Variants in SHANK2 observed in about 807,000 individuals in gnomAD.
The protein encoded by SHANK2 is SH3 and multiple ankyrin repeat domains protein 2.
Under a neutral mutation model 133.7 loss-of-function variants are expected in SHANK2, and 43 were observed. That is an observed-to-expected ratio of 0.32 (90% CI 0.25 to 0.41). The LOEUF is 0.41. Ranked by LOEUF, SHANK2 falls within the 10% of genes least tolerant of loss-of-function variation. The pLI is 1.00. For synonymous variants in SHANK2, 1,017 were observed against 952.8 expected (o/e 1.07, Z -1.24); for missense variants, 1,994 against 2,235.8 (o/e 0.89, Z 2.18).
At chr11:71,079,099 C>T (rs990695128) in intron 8 of SHANK2, among the ~76,000 whole-genome samples, 8,279 of 152,318 alleles carry the variant, frequency 0.054, 275 homozygotes, top group East Asian at 0.13. Flanking sequence ...GAGTACCAGG[C>T]GAATGGTCCC....
At chr11:70,907,686 C>G in intron 10 of SHANK2, 1 of 227,462 alleles carries the variant, frequency 4.4e-6, no homozygotes, top group Non-Finnish European at 9.1e-6. Flanking sequence ...AAATATAATT[C>G]ATCGCATTAG....
chr11:70,574,004 C>T (rs1302957082), intron 17 of SHANK2, among the ~76,000 whole-genome samples: 3 of 152,138 alleles, frequency 2.0e-5, no homozygotes, highest in Non-Finnish European at 4.4e-5. Flanking sequence ...GCCCCCAGCC[C>T]GGGTCCTTCT....
At chr11:70,863,349 G>A (rs367707791) in intron 11 of SHANK2, 13 of 457,990 alleles carry the variant, frequency 2.8e-5, no homozygotes, top group Non-Finnish European at 4.8e-5. Context: ...CCGGCTCCCC[G>A]AACACAGCCC....
At chr11:70,611,092 C>T (rs949395909) in intron 17 of SHANK2, among the ~76,000 whole-genome samples, 3 of 152,174 alleles carry the variant, frequency 2.0e-5, no homozygotes, top group Non-Finnish European at 2.9e-5. Context: ...TCTCCACAAC[C>T]CAAGAATTGC....
chr11:70,554,833 A>AT (rs34927941), intron 17 of SHANK2, among the ~76,000 whole-genome samples: 17,124 of 114,784 alleles, frequency 0.15, 1,421 homozygotes, highest in Admixed American at 0.26. Flanking sequence ...CACTATCTCC[A>AT]TTTTTTTTTT....
rs76315656 is a variant in SHANK2, at chr11:71,186,091, G to A, written c.-13+38606C>T. Among the ~76,000 whole-genome samples, 1,072 of 152,226 alleles carry A rather than the reference G, an allele frequency of 7.0e-3. 13 individuals carry two copies. Among genetic ancestry groups the A allele is most frequent in the Middle Eastern group, 0.027 (8 of 294 alleles). On this transcript the variant is annotated intron_variant, in intron 2 of 25. Coordinates refer to ENST00000601538, the MANE Select transcript of SHANK2 (RefSeq NM_012309.5). The stretch of plus-strand genomic sequence containing the variant: ...ATGGAAAATACACTGGTACAGTGAC[G>A]CCCCAAAAGTGTGATAAATTTCACT...
At chr11:70,644,994 G>A (rs2061240698) in intron 17 of SHANK2, among the ~76,000 whole-genome samples, 1 of 152,148 alleles carries the variant, frequency 6.6e-6, no homozygotes, top group Non-Finnish European at 1.5e-5. Flanking sequence ...GGCTGAAGCG[G>A]GCAGATCACC....
chr11:71,083,641 C>G lies in SHANK2; in HGVS notation c.913-8366G>C, dbSNP rs1951331444. On this transcript the variant is annotated intron_variant, in intron 8 of 25. Coordinates refer to ENST00000601538, the MANE Select transcript of SHANK2 (RefSeq NM_012309.5). ...TCAGAGAGGGAGGGAGAGAGCCAGGCTTTGCCCCAAGGAAGGTACCGGGGT... is the reference window on the plus strand; with the variant it reads ...TCAGAGAGGGAGGGAGAGAGCCAGGGTTTGCCCCAAGGAAGGTACCGGGGT... 4.6e-5 allele frequency among the ~76,000 whole-genome samples: 7 copies of G among 152,300 alleles called. No individual in the cohort carries two copies. In the South Asian group the frequency reaches 1.2e-3, roughly 27 times the overall value.
At chr11:70,891,157 G>A (rs912976493) in intron 11 of SHANK2, among the ~76,000 whole-genome samples, 9 of 152,166 alleles carry the variant, frequency 5.9e-5, no homozygotes, top group Non-Finnish European at 7.3e-5. Flanking sequence ...CTCTCTAGAC[G>A]GGAAGAGACT....
At chr11:70,795,386 T>TC (rs1947884499) in intron 14 of SHANK2, among the ~76,000 whole-genome samples, 1 of 148,664 alleles carries the variant, frequency 6.7e-6, no homozygotes, top group South Asian at 2.1e-4. Flanking sequence ...TTTTCTTTTC[T>TC]TTTTTCTTTT....
At chr11:71,241,151 A>G (rs1954884214) in intron 1 of SHANK2, among the ~76,000 whole-genome samples, 1 of 152,208 alleles carries the variant, frequency 6.6e-6, no homozygotes, top group Non-Finnish European at 1.5e-5. Flanking sequence ...CTTCTCCTCT[A>G]AGGAGGTACC....
chr11:70,597,210 C>T lies in SHANK2; in HGVS notation c.2061+62618G>A, dbSNP rs530189768. Among the ~76,000 whole-genome samples, 5 of 152,212 alleles carry T rather than the reference C, an allele frequency of 3.3e-5. No homozygotes were observed. The South Asian group carries it at 1.0e-3, about 32-fold the overall frequency. ...CCTGGCACTCATGCCAGGCTCAGCA[C>T]CCGCCGCCAGGGGAAACTCCTCCCT... is the stretch of plus-strand genomic sequence containing the variant. On this transcript the variant is annotated intron_variant, in intron 17 of 25. Coordinates refer to ENST00000601538, the MANE Select transcript of SHANK2 (RefSeq NM_012309.5).
intron 2 of SHANK2, among the ~76,000 whole-genome samples, chr11:71,163,873 G>A (rs1411672944): frequency 6.6e-5 from 10 of 152,260 alleles, no homozygotes; most frequent in Non-Finnish European, 5.9e-5. Flanking sequence ...CTATACATGC[G>A]TGCTTTTTAT....
intron 10 of SHANK2, among the ~76,000 whole-genome samples, chr11:70,901,816 G>A (rs1950026880): frequency 6.6e-6 from 1 of 152,206 alleles, no homozygotes; most frequent in East Asian, 1.9e-4. Flanking sequence ...GAGGATGGAT[G>A]TCAGACGTGG....
intron 10 of SHANK2, chr11:70,942,975 C>G: frequency 2.2e-6 from 1 of 448,320 alleles, no homozygotes; most frequent in Non-Finnish European, 4.5e-6. Context: ...TAAAGTTTAG[C>G]TTGGGAGACT....
At chr11:71,127,335 T>C (rs1952212075) in intron 3 of SHANK2, among the ~76,000 whole-genome samples, 1 of 152,164 alleles carries the variant, frequency 6.6e-6, no homozygotes, top group African/African-American at 2.4e-5. Context: ...TTCCATAAAC[T>C]CAGTGGATAA....
At chr11:70,949,945 C>T (rs528154475) in intron 10 of SHANK2, among the ~76,000 whole-genome samples, 23 of 152,328 alleles carry the variant, frequency 1.5e-4, no homozygotes, top group African/African-American at 4.6e-4. Context: ...CGCTGGTGGC[C>T]GGGAGTCCAG....
intron 2 of SHANK2, among the ~76,000 whole-genome samples, chr11:71,222,466 G>A (rs553979471): frequency 6.6e-6 from 1 of 152,314 alleles, no homozygotes; most frequent in African/African-American, 2.4e-5. Context: ...TTCTTACGAA[G>A]CTCCCAGAGG....
At chr11:70,798,972 C>A (rs1385704074) in intron 13 of SHANK2, among the ~76,000 whole-genome samples, 1 of 152,118 alleles carries the variant, frequency 6.6e-6, no homozygotes, top group Non-Finnish European at 1.5e-5. Context: ...CGCCACAAAG[C>A]AGGGAGGAAA....
Sources: allele counts gnomAD v4.1 joint callset (sites outside exome capture counted in the v4.1 genomes callset), GRCh38; gene constraint gnomAD v4.1.1; transcripts MANE v1.5; gene names NCBI Gene and HGNC (gene_info 2026-07-23, HGNC 2026-07-21).